Variants in PTPRN2 observed in about 807,000 individuals in gnomAD.
PTPRN2 encodes receptor-type tyrosine-protein phosphatase N2.
PTPRN2 carries 74 observed loss-of-function variants against 118.8 expected under a neutral mutation model. The observed-to-expected ratio is 0.62, with a 90% confidence interval of 0.52 to 0.76. The LOEUF is 0.76. Among genes scored for constraint, PTPRN2 ranks in the 30% least tolerant of loss-of-function variants. The probability of loss-of-function intolerance (pLI) is 0.00; values close to 1 mark genes in which losing one functional copy is unlikely to be tolerated. For synonymous variants in PTPRN2, 641 were observed against 608.0 expected (o/e 1.05, Z -0.80); for missense variants, 1,481 against 1,394.4 (o/e 1.06, Z -0.99).
chr7:158,166,827 G>T (rs755113654), intron 6 of PTPRN2, 104 bp downstream of exon 6: 4 of 1,323,036 alleles, frequency 3.0e-6, no homozygotes, highest in Non-Finnish European at 3.9e-6. Flanking sequence ...GGGGAGTGCG[G>T]TGTGCAGACC....
intron 10 of PTPRN2, among the ~76,000 whole-genome samples, chr7:158,082,218 T>C (rs1371438220): frequency 6.6e-6 from 1 of 152,192 alleles, no homozygotes; most frequent in Non-Finnish European, 1.5e-5. Flanking sequence ...GGGAGGTGCC[T>C]GCACTGACAT....
At chr7:158,255,561 G>C (rs975591507) in intron 3 of PTPRN2, among the ~76,000 whole-genome samples, 2 of 150,406 alleles carry the variant, frequency 1.3e-5, no homozygotes, top group Non-Finnish European at 3.0e-5. Flanking sequence ...TGTGTGTACA[G>C]AGAATTACAC....
At chr7:157,612,242 C>CT (rs1163907583) in intron 15 of PTPRN2, among the ~76,000 whole-genome samples, 3 of 152,154 alleles carry the variant, frequency 2.0e-5, no homozygotes, top group Admixed American at 2.0e-4. Flanking sequence ...TGGCTGTGTG[C>CT]GCTGGTGGCG....
intron 12 of PTPRN2, among the ~76,000 whole-genome samples, chr7:157,746,667 C>G (rs1336026676): frequency 6.6e-6 from 1 of 152,204 alleles, no homozygotes; most frequent in African/African-American, 2.4e-5. Flanking sequence ...ACAGTCTTCA[C>G]GGGGCCCTGA....
At chr7:158,313,578 G>A (rs543316746) in intron 3 of PTPRN2, among the ~76,000 whole-genome samples, 2 of 151,988 alleles carry the variant, frequency 1.3e-5, no homozygotes, top group South Asian at 2.1e-4. Flanking sequence ...GGATACCTAC[G>A]ACCCCCCATC....
chr7:157,644,897 G>T (rs1027440602), intron 14 of PTPRN2, among the ~76,000 whole-genome samples: 4 of 152,168 alleles, frequency 2.6e-5, no homozygotes, highest in Admixed American at 6.5e-5. Context: ...CCACCCGTGG[G>T]AACCACACGG....
rs145585348 is a variant in PTPRN2, at chr7:158,503,766, C to T, written c.113-13981G>A. ...CTGTAATCCCAGCACTTTGGGAGGC[C>T]GAGGCAGGCAGATCATTTGAGGGCA... On this transcript the variant is annotated intron_variant, in intron 1 of 22. Coordinates refer to ENST00000389418, the MANE Select transcript of PTPRN2 (RefSeq NM_002847.5). Among the ~76,000 whole-genome samples the T allele has an allele frequency of 1.8e-3, 279 of 152,254 alleles. 7 individuals are homozygous for T. The East Asian group carries it at 0.034, about 19-fold the overall frequency.
chr7:157,976,141 G>T (rs1039556745), intron 11 of PTPRN2, among the ~76,000 whole-genome samples: 1 of 152,226 alleles, frequency 6.6e-6, no homozygotes, highest in African/African-American at 2.4e-5. Flanking sequence ...CGCCGGGAAA[G>T]GGGCCTCAGC....
At position 157,977,815 on chromosome 7, in the gene PTPRN2, G is replaced by A. The variant is rs1015252243; in HGVS notation, c.1724-79078C>T. On this transcript the variant is annotated intron_variant, in intron 11 of 22. Transcript: ENST00000389418. The surrounding 1 kb of genome is among the most constrained non-coding windows in gnomAD (Gnocchi z 4.6). Reference sequence around the variant, plus strand: ...CACCTAAGAGCTCCCTGTTGCTGCTGCTGGGGGAGCAGGAAGGGGGATCAC... The same window carrying A: ...CACCTAAGAGCTCCCTGTTGCTGCTACTGGGGGAGCAGGAAGGGGGATCAC... 6.6e-6 allele frequency among the ~76,000 whole-genome samples: 1 copy of A among 151,836 alleles called. No homozygotes were observed. The highest frequency in any genetic ancestry group is 2.4e-5 in the African/African-American group (1 of 41,396).
intron 12 of PTPRN2, among the ~76,000 whole-genome samples, chr7:157,751,532 GGTGTCT>G (rs1259968454): frequency 2.0e-5 from 3 of 152,152 alleles, no homozygotes; most frequent in Non-Finnish European, 2.9e-5. Flanking sequence ...TCGCTCGGGA[GGTGTCT>G]CTGTCCTCGG....
At chr7:157,601,609 C>T (rs1276204608) in intron 16 of PTPRN2, among the ~76,000 whole-genome samples, 1 of 152,214 alleles carries the variant, frequency 6.6e-6, no homozygotes, top group African/African-American at 2.4e-5. Flanking sequence ...AAACACACAC[C>T]CCCTCTGGTT....
intron 11 of PTPRN2, among the ~76,000 whole-genome samples, chr7:157,910,705 C>CGT (rs34091528): frequency 0.56 from 84,979 of 151,200 alleles, 26,088 homozygotes; most frequent in Admixed American, 0.7. Context: ...CGGCAGGGCA[C>CGT]GTGTGTGTGT....
rs1804044637 is a variant in PTPRN2 at position 157,632,822 on chromosome 7, G to A, written c.2197-11313C>T. 6.6e-6 allele frequency among the ~76,000 whole-genome samples: 1 copy of A among 152,170 alleles called. No individual in the cohort carries two copies. The highest frequency in any genetic ancestry group is 2.4e-5 in the African/African-American group (1 of 41,438). ...ACAGAGATGAATGCTTATAAGCAAT[G>A]GAAAATAATTCAGAGAATTATACTA... On this transcript the variant is annotated intron_variant, in intron 14 of 22. Transcript: ENST00000389418. The surrounding 1 kb of genome is among the most constrained non-coding windows in gnomAD (Gnocchi z 4.3).
chr7:157,958,370 T>C (rs1211311884), intron 11 of PTPRN2, among the ~76,000 whole-genome samples: 3 of 152,174 alleles, frequency 2.0e-5, no homozygotes, highest in Non-Finnish European at 2.9e-5. Context: ...ACCACTGTTA[T>C]TCAAGACAGT....
intron 11 of PTPRN2, among the ~76,000 whole-genome samples, chr7:158,020,013 C>G (rs1037266269): frequency 1.3e-5 from 2 of 152,242 alleles, no homozygotes; most frequent in African/African-American, 4.8e-5. Context: ...ATCCAGGACC[C>G]AGATTCAATG....
chr7:157,862,611 G>A (rs1810321625), intron 12 of PTPRN2: 1 of 152,260 alleles, frequency 6.6e-6, no homozygotes. Context: ...CTTGAGAGTG[G>A]AACCACCGGT....
chr7:158,249,099 CA>C (rs1796478128), intron 3 of PTPRN2, among the ~76,000 whole-genome samples: 1 of 151,644 alleles, frequency 6.6e-6, no homozygotes, highest in Non-Finnish European at 1.5e-5. Context: ...CATATGCACA[CA>C]TCACACACAC....
chr7:157,678,520 C>A (rs1220971478), intron 13 of PTPRN2, among the ~76,000 whole-genome samples: 1 of 152,288 alleles, frequency 6.6e-6, no homozygotes, highest in Non-Finnish European at 1.5e-5. Context: ...AGTCAGGGTG[C>A]ATTTGGGACT....
rs902643238 is a variant in PTPRN2, at chr7:157,893,105, G to C, written c.1788+5568C>G. On this transcript the variant is annotated intron_variant, in intron 12 of 22. Coordinates refer to ENST00000389418, the MANE Select transcript of PTPRN2 (RefSeq NM_002847.5). This position sits in a 1 kb window ranked among gnomAD's most constrained non-coding sequence, Gnocchi z 4.0. ...GCTGGTCTCCAGCATTTGGTGGAAC[G>C]AGAACAAAGAAATGTCTGGAGAAGG... Among the ~76,000 whole-genome samples the C allele has an allele frequency of 6.6e-6, 1 of 152,244 alleles. No individual in the cohort carries two copies. The highest frequency in any genetic ancestry group is 2.4e-5 in the African/African-American group (1 of 41,462).
Sources: gnomAD v4.1 joint callset for allele counts (sites outside exome capture counted in the v4.1 genomes callset) on GRCh38, gnomAD v4.1.1 for gene constraint, Gnocchi (gnomAD v3.1) non-coding constraint, MANE v1.5 for transcripts, NCBI Gene and HGNC (gene_info 2026-07-23, HGNC 2026-07-21) for gene names.